GRIA3: variants seen among roughly 807,000 people sequenced by gnomAD.
GRIA3 encodes the protein glutamate ionotropic receptor AMPA type subunit 3.
In GRIA3, 3 loss-of-function variants were observed where a neutral mutation model predicts 63.0. The ratio of observed to expected loss-of-function variants is 0.05; its 90% CI spans 0.02 to 0.12. GRIA3 has a LOEUF of 0.12. Among genes scored for constraint, GRIA3 ranks in the 10% least tolerant of loss-of-function variants. GRIA3 has a pLI of 1.00. For synonymous variants in GRIA3, 274 were observed against 257.9 expected, an observed-to-expected ratio of 1.06 and a Z score of -0.60; for missense variants, 347 against 700.9, an observed-to-expected ratio of 0.50 and a Z score of 5.70.
chrX:123,363,312 C>T (rs79674748), intron 5 of GRIA3, among the ~76,000 whole-genome samples: 6,492 of 111,903 alleles, frequency 0.058, 188 homozygotes, highest in Non-Finnish European at 0.092. Flanking sequence ...TCTCTGTTTT[C>T]CCCCTGTACA....
intron 10 of GRIA3, among the ~76,000 whole-genome samples, chrX:123,413,322 C>T (rs1337586124): frequency 9.1e-6 from 1 of 109,380 alleles, no homozygotes; most frequent in Non-Finnish European, 1.9e-5. Context: ...AACAATTTCT[C>T]CTAGAACTAT....
chrX:123,482,481 T>C (rs760054980), intron 14 of GRIA3, among the ~76,000 whole-genome samples: 5 of 112,005 alleles, frequency 4.5e-5, no homozygotes, highest in Non-Finnish European at 9.4e-5. Context: ...GAATAAATTA[T>C]GCTTGTGTTT....
At chrX:123,325,757 T>A (rs924360973) in intron 3 of GRIA3, among the ~76,000 whole-genome samples, 9 of 111,763 alleles carry the variant, frequency 8.1e-5, no homozygotes, top group Admixed American at 2.9e-4. Flanking sequence ...TGCATGTCAA[T>A]AAAAACAATT....
rs756807165 is a variant in GRIA3 at position 123,433,435 on chromosome X, A to C, written c.2076+5296A>C. Among the ~76,000 whole-genome samples the C allele has an allele frequency of 2.7e-5, 3 of 112,102 alleles. No individual in the cohort carries two copies. The South Asian group carries it at 1.1e-3, about 42-fold the overall frequency. On this transcript the variant is annotated intron_variant, in intron 12 of 15. Coordinates refer to ENST00000620443, the MANE Select transcript of GRIA3 (RefSeq NM_007325.5). ...AACTGCAGTGATTATTTTAGGACTT[A>C]AGACAAATACTTTATTTATTCTAAG...
chrX:123,213,980 C>A (rs1231716241), intron 2 of GRIA3, among the ~76,000 whole-genome samples: 1 of 111,856 alleles, frequency 8.9e-6, no homozygotes, highest in African/African-American at 3.2e-5. Flanking sequence ...AACAGAAACA[C>A]CCCATCAGCA....
At chrX:123,317,108 C>A (rs981168061) in intron 3 of GRIA3, among the ~76,000 whole-genome samples, 7 of 111,183 alleles carry the variant, frequency 6.3e-5, no homozygotes, top group African/African-American at 2.3e-4. Flanking sequence ...AAAGCAGAAA[C>A]CTCTGATAAA....
intron 14 of GRIA3, among the ~76,000 whole-genome samples, chrX:123,480,890 C>T (rs1183853469): frequency 8.9e-6 from 1 of 111,817 alleles, no homozygotes; most frequent in Non-Finnish European, 1.9e-5. Flanking sequence ...TCTTCCCCGC[C>T]TCCTTCCTGC....
chrX:123,233,843 G>A (rs1204740395), intron 2 of GRIA3, among the ~76,000 whole-genome samples: 1 of 111,606 alleles, frequency 9.0e-6, no homozygotes, highest in Non-Finnish European at 1.9e-5. Context: ...GTAAGTATTT[G>A]AGGAGAAGTA....
At chrX:123,321,800 T>C (rs1208234481) in intron 3 of GRIA3, among the ~76,000 whole-genome samples, 1 of 111,933 alleles carries the variant, frequency 8.9e-6, no homozygotes, top group African/African-American at 3.2e-5. Context: ...GCTGGTACTC[T>C]CATTGTCAGC....
In GRIA3 at chrX:123,394,993, G is replaced by C. The variant is rs1409408302; in HGVS notation, c.776G>C (p.Arg259Thr). 1.7e-6 allele frequency: 2 copies of C among 1,190,786 alleles called. No homozygotes were observed. Among genetic ancestry groups the C allele is most frequent in the Non-Finnish European group, 2.3e-6 (2 of 877,773 alleles). Residue 259 changes from arginine (R) to threonine (T), a missense_variant, in exon 6 of 16, where the codon AGA becomes ACA. Physicochemically the swap from Arg to Thr is moderately conservative, Grantham distance 71. This residue lies in a region of GRIA3 where 113 missense variants were observed against 130.6 expected (regional missense o/e 0.87). Coordinates refer to ENST00000620443, the MANE Select transcript of GRIA3 (RefSeq NM_007325.5). Reference protein sequence around the residue: ...NLGFTDILLERVMHGGANITG... With the variant: ...NLGFTDILLETVMHGGANITG... ...GGTTTTACTGATATTTTACTGGAAA[G>C]AGTCATGCATGGGGGAGCCAACATT... is the stretch of plus-strand genomic sequence containing the variant.
intron 2 of GRIA3, among the ~76,000 whole-genome samples, chrX:123,231,893 A>G (rs2044278112): frequency 8.9e-6 from 1 of 111,834 alleles, no homozygotes; most frequent in South Asian, 3.7e-4. Context: ...AGGAGGCATC[A>G]TAGCCATCTG....
chrX:123,367,120 CAGA>C lies in GRIA3; in HGVS notation c.750+12163_750+12165del, dbSNP rs1362956502. Among the ~76,000 whole-genome samples, 49 of 110,671 alleles carry C rather than the reference CAGA, an allele frequency of 4.4e-4. 1 individual carries two copies. The highest frequency in any genetic ancestry group is 1.3e-4 in the Non-Finnish European group (7 of 52,896). ...ATGTCTTTGGGTAGACGAGAAATGC[CAGA>C]AGAAGGTACTTGTTTTCAAGCAGAA... On this transcript the variant is annotated intron_variant, in intron 5 of 15. Transcript: ENST00000620443.
At chrX:123,379,723 C>T (rs1438134432) in intron 5 of GRIA3, among the ~76,000 whole-genome samples, 2 of 102,104 alleles carry the variant, frequency 2.0e-5, no homozygotes, top group Non-Finnish European at 4.0e-5. Flanking sequence ...ATACATGTGC[C>T]ATGTTGGTGT....
At chrX:123,477,498 T>C (rs1416466573) in intron 13 of GRIA3, among the ~76,000 whole-genome samples, 2 of 111,807 alleles carry the variant, frequency 1.8e-5, no homozygotes, top group East Asian at 5.6e-4. Context: ...CTTCAATCAA[T>C]CTATTGTAAT....
chrX:123,473,540 A>G (rs2147440567), intron 13 of GRIA3, among the ~76,000 whole-genome samples: 1 of 111,852 alleles, frequency 8.9e-6, no homozygotes, highest in South Asian at 3.8e-4. Flanking sequence ...CTAGAGAAGC[A>G]AGTGAGTGAT....
intron 2 of GRIA3, among the ~76,000 whole-genome samples, chrX:123,212,255 A>G (rs1928060371): frequency 9.0e-6 from 1 of 111,447 alleles, no homozygotes; most frequent in East Asian, 2.8e-4. Context: ...AAGTGAGTAA[A>G]CATTGTCAGA....
intron 11 of GRIA3, among the ~76,000 whole-genome samples, chrX:123,420,349 G>A (rs775009099): frequency 9.0e-5 from 10 of 111,428 alleles, no homozygotes; most frequent in Non-Finnish European, 1.7e-4. Context: ...CTCATTTATC[G>A]AAGTCACACT....
intron 3 of GRIA3, among the ~76,000 whole-genome samples, chrX:123,255,320 G>A (rs1195791851): frequency 9.0e-6 from 1 of 111,626 alleles, no homozygotes; most frequent in Non-Finnish European, 1.9e-5. Context: ...AACACTGTGT[G>A]TTCAGGTAGA....
intron 2 of GRIA3, among the ~76,000 whole-genome samples, chrX:123,222,826 G>C (rs60337077): frequency 0.023 from 2,518 of 111,486 alleles, 68 homozygotes; most frequent in African/African-American, 0.077. Flanking sequence ...TGATGTCATG[G>C]GTTGTTCTGA....
Sources: allele counts gnomAD v4.1 joint callset (sites outside exome capture counted in the v4.1 genomes callset), GRCh38; gene constraint gnomAD v4.1.1; regional missense constraint gnomAD v4.1.1; transcripts MANE v1.5; gene names NCBI Gene and HGNC (gene_info 2026-07-23, HGNC 2026-07-21).